PLXNB1: variants seen among roughly 807,000 people sequenced by gnomAD.
The protein encoded by PLXNB1 is plexin-B1.
In PLXNB1, 106 loss-of-function variants were observed where a neutral mutation model predicts 209.4. The observed-to-expected ratio is 0.51, with a 90% confidence interval of 0.43 to 0.59. The LOEUF is 0.59. Among genes scored for constraint, PLXNB1 ranks in the 20% least tolerant of loss-of-function variants. The pLI, the probability that PLXNB1 is intolerant of heterozygous loss-of-function variation, is 0.00. For missense variants in PLXNB1, 2,357 were observed against 2,853.2 expected (o/e 0.83, Z 3.96); for synonymous variants, 1,167 against 1,183.2 (o/e 0.99, Z 0.28).
At chr3:48,422,744 C>A in intron 4 of PLXNB1, 21 bp downstream of exon 4, 2 of 1,608,556 alleles carry the variant, frequency 1.2e-6, no homozygotes, top group South Asian at 2.2e-5. Flanking sequence ...GGGCAGGGGC[C>A]AGTACTTCCT....
At position 48,418,446 on chromosome 3, in the gene PLXNB1, C is replaced by A. The variant is rs755393107; in HGVS notation, c.3049+3G>T. 1 of 1,613,190 alleles carries A rather than the reference C, an allele frequency of 6.2e-7. No individual in the cohort carries two copies. On this transcript the variant is annotated splice_donor_region_variant and intron_variant, in intron 14 of 37. Transcript: ENST00000296440. The surrounding 1 kb of genome is among the most constrained non-coding windows in gnomAD (Gnocchi z 6.6). ...CCAGCCCAGCAGCCCGCAGGTGGCT[C>A]ACCATGCAGCCCCTCAGCACTGTCC... is the stretch of plus-strand genomic sequence containing the variant.
In PLXNB1 at chr3:48,419,646, GC is replaced by G; in HGVS notation, c.2639del (p.Gly880AlafsTer45). 6.2e-7 allele frequency: 1 copy of G among 1,612,562 alleles called. No individual in the cohort carries two copies. The highest frequency in any genetic ancestry group is 8.5e-7 in the Non-Finnish European group (1 of 1,179,900). On this transcript the variant is annotated frameshift_variant, in exon 11 of 38. Coordinates refer to ENST00000296440, the MANE Select transcript of PLXNB1 (RefSeq NM_001130082.3). LOFTEE classifies it high-confidence loss of function. This position sits in a 1 kb window ranked among gnomAD's most constrained non-coding sequence, Gnocchi z 5.7. ...SGDGDSAELE[G>X]PPAPLILPSS... is the part of the protein sequence containing the mutation. ...ACGGGAGGATGAGGGGGGCGGGAGG[GC>G]CCTCAAGCTCTGCTGAGTCTCCATC... is the stretch of plus-strand genomic sequence containing the variant.
chr3:48,422,378 T>TCC lies in PLXNB1; in HGVS notation c.1371_1372insGG (p.Thr458GlyfsTer13), dbSNP rs2038588228. ...AGGTGCTCAAAGGTCCCATCAAAGG[T>TCC]GAGGTCTCTGCTCACTGCAGACCCC... On this transcript the variant is annotated frameshift_variant, in exon 5 of 38. Transcript: ENST00000296440. LOFTEE classifies it high-confidence loss of function. 1 of 1,608,606 alleles carries TCC rather than the reference T, an allele frequency of 6.2e-7. No individual in the cohort carries two copies. Among genetic ancestry groups the TCC allele is most frequent in the Admixed American group, 1.7e-5 (1 of 59,204 alleles).
At chr3:48,408,024 T>G (rs2037417329) in intron 34 of PLXNB1, among the ~76,000 whole-genome samples, 1 of 152,186 alleles carries the variant, frequency 6.6e-6, no homozygotes, top group African/African-American at 2.4e-5. Flanking sequence ...GTTTTTGTTT[T>G]CAGACAGGGT....
In PLXNB1 at chr3:48,423,955, C is replaced by A. The variant is rs1360979970; in HGVS notation, c.657G>T (p.Val219=). ...GRLSEYSHHF[V]SAFARGASAY... is the part of the protein sequence containing the mutation. ...CGCTGGCCCCACGTGCAAAGGCACT[C>A]ACGAAGTGGTGGCTGTACTCGGAGA... The change falls in exon 3 of 38, where the codon GTG becomes GTT. Residue 219 remains valine, a synonymous_variant. Transcript: ENST00000296440. 20 of 1,614,030 alleles carry A rather than the reference C, an allele frequency of 1.2e-5. No homozygotes were observed. The highest frequency in any genetic ancestry group is 1.5e-5 in the Non-Finnish European group (18 of 1,179,994).
chr3:48,427,066 G>C (rs2038931738), intron 1 of PLXNB1, among the ~76,000 whole-genome samples: 1 of 152,170 alleles, frequency 6.6e-6, no homozygotes, highest in Admixed American at 6.5e-5. Context: ...TTTGCTCAGA[G>C]CCTACTGCGT....
rs1316477559 is a variant in PLXNB1, at chr3:48,412,017, A to G, written c.5101-8T>C. On this transcript the variant is annotated splice_polypyrimidine_tract_variant and splice_region_variant and intron_variant, in intron 27 of 37. Transcript: ENST00000296440. ...AGGCTCCCCTACGGAGTCCTAGGAGAGCACAGGCAGTTAGGGCCCCCCAGC... is the reference window on the plus strand; with the variant it reads ...AGGCTCCCCTACGGAGTCCTAGGAGGGCACAGGCAGTTAGGGCCCCCCAGC... 1.2e-6 allele frequency: 2 copies of G among 1,613,532 alleles called. No homozygotes were observed. The highest frequency in any genetic ancestry group is 2.2e-5 in the South Asian group (2 of 91,074).
Position 48,424,522 on chromosome 3 carries a change from G to A in PLXNB1, c.90C>T (p.Pro30=), listed in dbSNP as rs2038776793. Residue 30 remains proline (P), a synonymous_variant, in exon 3 of 38, where the codon CCC becomes CCT. Transcript: ENST00000296440. ...LQPLPPTAFT[P]NGTYLQHLAR... ...CCAGGTGCTGCAGATACGTGCCATT[G>A]GGAGTGAATGCAGTTGGTGGAAGGG... 6.3e-7 allele frequency: 1 copy of A among 1,597,842 alleles called. No homozygotes were observed. Among genetic ancestry groups the A allele is most frequent in the Non-Finnish European group, 8.5e-7 (1 of 1,172,504 alleles).
Position 48,410,492 on chromosome 3 carries a change from C to T in PLXNB1, c.5483G>A (p.Gly1828Asp). The T allele has an allele frequency of 6.2e-7, 1 of 1,614,024 alleles. No homozygotes were observed. Among genetic ancestry groups the T allele is most frequent in the Non-Finnish European group, 8.5e-7 (1 of 1,180,022 alleles). Reference sequence around the variant, plus strand: ...CAGTGTGTTCAGGCGCCTCCACAGACCCTGGACCTCAGAAGTGACATCCTC... The same window carrying T: ...CAGTGTGTTCAGGCGCCTCCACAGATCCTGGACCTCAGAAGTGACATCCTC... ...SDEDVTSEVQ[G>D]LWRRLNTLQH... The change falls in exon 30 of 38, where the codon GGT becomes GAT. Residue 1828 changes from glycine (G) to aspartate (D), a missense_variant. By Grantham distance (94) the Gly-to-Asp change is moderately conservative. Coordinates refer to ENST00000296440, the MANE Select transcript of PLXNB1 (RefSeq NM_001130082.3). This position sits in a 1 kb window ranked among gnomAD's most constrained non-coding sequence, Gnocchi z 6.4.
rs771582244 is a variant in PLXNB1 at position 48,405,823 on chromosome 3, TGA to T, written c.6229-27_6229-26del. The T allele has an allele frequency of 1.2e-5, 20 of 1,602,300 alleles. No homozygotes were observed. The highest frequency in any genetic ancestry group is 1.6e-5 in the Non-Finnish European group (19 of 1,170,632). ...TCTAGGGAAGAGGCCAAATGAAAGGTGAGAGAGACGAGGGGTGCAGAGAGCCA... is the reference window on the plus strand; with the variant it reads ...TCTAGGGAAGAGGCCAAATGAAAGGTGAGAGACGAGGGGTGCAGAGAGCCA... On this transcript the variant is annotated intron_variant, in intron 36 of 37. Transcript: ENST00000296440. This position sits in a 1 kb window ranked among gnomAD's most constrained non-coding sequence, Gnocchi z 5.0.
intron 25 of PLXNB1, 29 bp downstream of exon 25, chr3:48,412,713 G>A (rs2037776618): frequency 6.2e-7 from 1 of 1,606,732 alleles, no homozygotes. Context: ...AGGGCCAGGG[G>A]CAGGCCAGGA....
chr3:48,423,064 G>A (rs2106954765), intron 3 of PLXNB1, 117 bp from the exon 4 acceptor site: 2 of 862,522 alleles, frequency 2.3e-6, no homozygotes, highest in East Asian at 2.6e-5. Context: ...CTGTACAACT[G>A]TGTTTTCTCT....
At chr3:48,427,124 T>C (rs1481556493) in intron 1 of PLXNB1, among the ~76,000 whole-genome samples, 1 of 151,782 alleles carries the variant, frequency 6.6e-6, no homozygotes, top group Non-Finnish European at 1.5e-5. Flanking sequence ...CCACTCCCCA[T>C]ATGTGAAATC....
In PLXNB1 at chr3:48,412,863, G is replaced by A; in HGVS notation, c.4733C>T (p.Pro1578Leu). The A allele has an allele frequency of 6.2e-7, 1 of 1,613,866 alleles. No individual in the cohort carries two copies. Among genetic ancestry groups the A allele is most frequent in the Non-Finnish European group, 8.5e-7 (1 of 1,180,016 alleles). ...YKVYAERIFF[P>L]GHRESPLHRD... ...GTGCAAGGGCGACTCGCGGTGCCCA[G>A]GGAAGAAGATCCTCTCCGCATACAC... Residue 1578 changes from proline to leucine, a missense_variant, in exon 25 of 38, where the codon CCT becomes CTT. By Grantham distance (98) the Pro-to-Leu change is moderately conservative. Transcript: ENST00000296440.
intron 7 of PLXNB1, 97 bp downstream of exon 7, chr3:48,421,576 TG>T: frequency 7.8e-7 from 1 of 1,279,780 alleles, no homozygotes; most frequent in South Asian, 1.5e-5. Flanking sequence ...TGAGGCCATG[TG>T]GTATCTGGCA....
Position 48,410,046 on chromosome 3 carries a change from C to T in PLXNB1, c.5637G>A (p.Gly1879=), listed in dbSNP as rs1246919871. The change falls in exon 32 of 38, where the codon GGG becomes GGA. Residue 1879 remains glycine (G), a synonymous_variant. Transcript: ENST00000296440. This position sits in a 1 kb window ranked among gnomAD's most constrained non-coding sequence, Gnocchi z 6.4. ...TCACCAGGTGCCAGGGCCGGATGCC[C>T]CCCTCATCTACATCCTCCAGCATTG... ...RTPMLEDVDE[G]GIRPWHLVKP... is the part of the protein sequence containing the mutation. The T allele has an allele frequency of 6.2e-7, 1 of 1,606,442 alleles. No homozygotes were observed. The highest frequency in any genetic ancestry group is 1.1e-5 in the South Asian group (1 of 90,482).
At chr3:48,426,051 C>T (rs185705198) in intron 1 of PLXNB1, among the ~76,000 whole-genome samples, 3 of 152,234 alleles carry the variant, frequency 2.0e-5, no homozygotes, top group East Asian at 3.9e-4. Flanking sequence ...ACACTCCCCT[C>T]GTTTGAGAGT....
Position 48,418,343 on chromosome 3 carries a change from C to G in PLXNB1, c.3070G>C (p.Val1024Leu). 2 of 1,613,694 alleles carry G rather than the reference C, an allele frequency of 1.2e-6. 1 individual carries two copies. Among genetic ancestry groups the G allele is most frequent in the South Asian group, 2.2e-5 (2 of 91,086 alleles). The change falls in exon 15 of 38, where the codon GTG becomes CTG. Residue 1024 changes from valine (V) to leucine (L), a missense_variant. By Grantham distance (32) the Val-to-Leu change is conservative. Around this residue, in one of 7 missense-constraint regions of PLXNB1, gnomAD observed 743 missense variants for 896.2 expected, o/e 0.83. Transcript: ENST00000296440. This position sits in a 1 kb window ranked among gnomAD's most constrained non-coding sequence, Gnocchi z 6.6. Reference protein sequence around the residue: ...GLHVVLYDCSVGHGDCSRCQT... With the variant: ...GLHVVLYDCSLGHGDCSRCQT... Reference sequence around the variant, plus strand: ...CAGCGGCTGCAGTCTCCATGTCCCACGGAACAGTCATACAGTACCACTGGG... The same window carrying G: ...CAGCGGCTGCAGTCTCCATGTCCCAGGGAACAGTCATACAGTACCACTGGG...
At position 48,406,270 on chromosome 3, in the gene PLXNB1, G is replaced by A. The variant is rs556587381; in HGVS notation, c.6229-472C>T. ...TCTCTGAGCCTCAACTTCCTCACCT[G>A]GACGATGGAATTGGTGTCACCTAGC... On this transcript the variant is annotated intron_variant, in intron 36 of 37. Coordinates refer to ENST00000296440, the MANE Select transcript of PLXNB1 (RefSeq NM_001130082.3). The surrounding 1 kb of genome is among the most constrained non-coding windows in gnomAD (Gnocchi z 4.4). Among the ~76,000 whole-genome samples the A allele has an allele frequency of 6.6e-6, 1 of 152,302 alleles. No homozygotes were observed. Among genetic ancestry groups the A allele is most frequent in the Admixed American group, 6.5e-5 (1 of 15,302 alleles).
Sources: allele counts gnomAD v4.1 joint callset (sites outside exome capture counted in the v4.1 genomes callset), GRCh38; gene constraint gnomAD v4.1.1; regional missense constraint gnomAD v4.1.1; non-coding constraint Gnocchi (gnomAD v3.1); transcripts MANE v1.5; gene names NCBI Gene and HGNC (gene_info 2026-07-23, HGNC 2026-07-21).